DNAH11: variants seen among roughly 807,000 people sequenced by gnomAD.
DNAH11 encodes dynein axonemal heavy chain 11, also known as axonemal beta dynein heavy chain 11.
DNAH11 carries 442 observed loss-of-function variants against 526.0 expected under a neutral mutation model. The ratio of observed to expected loss-of-function variants is 0.84; its 90% confidence interval spans 0.78 to 0.91. The LOEUF (loss-of-function observed/expected upper bound fraction) is 0.91. Among genes scored for constraint, DNAH11 ranks in the 40% least tolerant of loss-of-function variants. DNAH11 has a pLI of 0.00. For missense variants in DNAH11, 6,989 were observed against 5,448.7 expected (o/e 1.28, Z -8.90); for synonymous variants, 2,461 against 1,935.9 (o/e 1.27, Z -7.12).
chr7:21,599,894 C>G lies in DNAH11; in HGVS notation c.2775C>G (p.His925Gln). ...AAGGCTTTTTTCAGGCTATAATGCACGACTTAGACTTCTTTCTGAAGAATA... is the reference window on the plus strand; with the variant it reads ...AAGGCTTTTTTCAGGCTATAATGCAGGACTTAGACTTCTTTCTGAAGAATA... Reference protein sequence around the residue: ...VVEGFFQAIMHDLDFFLKNTE... With the variant: ...VVEGFFQAIMQDLDFFLKNTE... The change falls in exon 15 of 82, where the codon CAC (histidine) becomes CAG (glutamine). Residue 925 changes from histidine (H) to glutamine (Q), a missense_variant. His to Gln is a conservative substitution (Grantham distance 24). Transcript: ENST00000409508. 1 of 1,612,744 alleles carries G rather than the reference C, an allele frequency of 6.2e-7. No homozygotes were observed. Among genetic ancestry groups the G allele is most frequent in the Admixed American group, 1.7e-5 (1 of 59,894 alleles).
At chr7:21,787,225 C>T (rs1788230743) in intron 59 of DNAH11, among the ~76,000 whole-genome samples, 176 bp from the exon 60 acceptor site, 2 of 152,266 alleles carry the variant, frequency 1.3e-5, no homozygotes, top group South Asian at 4.2e-4. Flanking sequence ...TAAAAGTGTC[C>T]ATTGCTAATT....
At chr7:21,852,294 C>T (rs1156410113) in intron 66 of DNAH11, among the ~76,000 whole-genome samples, 173 bp from the exon 67 acceptor site, 1 of 151,510 alleles carries the variant, frequency 6.6e-6, no homozygotes, top group Non-Finnish European at 1.5e-5. Flanking sequence ...GTAATCTCAG[C>T]TACTCGGGAG....
At chr7:21,612,699 A>G (rs914478110) in intron 20 of DNAH11, among the ~76,000 whole-genome samples, 2 of 152,160 alleles carry the variant, frequency 1.3e-5, no homozygotes, top group African/African-American at 2.4e-5. Flanking sequence ...TTTGTGAAGC[A>G]TGTCTGATTT....
intron 48 of DNAH11, 23 bp from the exon 49 acceptor site, chr7:21,741,904 C>G: frequency 6.2e-7 from 1 of 1,612,278 alleles, no homozygotes; most frequent in Non-Finnish European, 8.5e-7. Context: ...TCCTTACACT[C>G]TTATATTTGC....
At chr7:21,717,548 T>C (rs888232770) in intron 42 of DNAH11, among the ~76,000 whole-genome samples, 1 of 152,210 alleles carries the variant, frequency 6.6e-6, no homozygotes, top group Non-Finnish European at 1.5e-5. Flanking sequence ...TTCTGAGTGC[T>C]ATTAGGAGTT....
chr7:21,884,680 T>A (rs933493914), intron 76 of DNAH11, among the ~76,000 whole-genome samples: 5 of 152,190 alleles, frequency 3.3e-5, no homozygotes, highest in African/African-American at 4.8e-5. Flanking sequence ...ACTCATCGGC[T>A]CTTTATAAAA....
chr7:21,546,272 C>T (rs781371594), intron 2 of DNAH11, among the ~76,000 whole-genome samples: 1 of 152,212 alleles, frequency 6.6e-6, no homozygotes, highest in Non-Finnish European at 1.5e-5. Flanking sequence ...CCCCTAACTC[C>T]TGTACCCTGC....
At chr7:21,584,021 G>T (rs766200258) in intron 9 of DNAH11, among the ~76,000 whole-genome samples, 172 of 152,274 alleles carry the variant, frequency 1.1e-3, no homozygotes, top group African/African-American at 3.8e-3. Flanking sequence ...ACAGTGCGGC[G>T]ATTCCTCAAG....
chr7:21,605,621 G>T (rs542196617), intron 18 of DNAH11, among the ~76,000 whole-genome samples: 1 of 152,268 alleles, frequency 6.6e-6, no homozygotes, highest in South Asian at 2.1e-4. Flanking sequence ...CAACAAGAAG[G>T]AGAATGTACA....
At chr7:21,622,833 A>C (rs2128455351) in intron 25 of DNAH11, among the ~76,000 whole-genome samples, 2 of 152,336 alleles carry the variant, frequency 1.3e-5, no homozygotes, top group Admixed American at 1.3e-4. Context: ...TGGATTAAAG[A>C]CTTAAACGTT....
At chr7:21,656,066 C>T (rs566324518) in intron 29 of DNAH11, 85 bp downstream of exon 29, 33 of 1,413,498 alleles carry the variant, frequency 2.3e-5, no homozygotes, top group Non-Finnish European at 2.9e-5. Flanking sequence ...GCAAAAAATT[C>T]AACCCAGGTC....
intron 4 of DNAH11, among the ~76,000 whole-genome samples, 194 bp downstream of exon 4, chr7:21,559,986 A>G (rs904423663): frequency 6.6e-6 from 1 of 152,144 alleles, no homozygotes; most frequent in Non-Finnish European, 1.5e-5. Context: ...TTCTGAGAAT[A>G]TTTTGACAGC....
intron 34 of DNAH11, 110 bp downstream of exon 34, chr7:21,687,637 A>G (rs1783438271): frequency 9.8e-6 from 13 of 1,326,130 alleles, no homozygotes; most frequent in Non-Finnish European, 1.2e-5. Context: ...TGAAATAGAT[A>G]AAGGAAGATT....
intron 25 of DNAH11, among the ~76,000 whole-genome samples, chr7:21,635,451 C>T (rs190374302): frequency 3.4e-4 from 51 of 152,208 alleles, no homozygotes; most frequent in Middle Eastern, 6.8e-3. Context: ...CCACCGTGCC[C>T]GGCCTATTTT....
At chr7:21,600,574 C>T in intron 15 of DNAH11, 102 bp from the exon 16 acceptor site, 2 of 1,248,034 alleles carry the variant, frequency 1.6e-6, no homozygotes, top group Non-Finnish European at 2.1e-6. Flanking sequence ...ATTTTTCTAA[C>T]TACTCTCCCT....
At chr7:21,704,285 C>T (rs984733523) in intron 37 of DNAH11, 149 bp from the exon 38 acceptor site, 1 of 728,292 alleles carries the variant, frequency 1.4e-6, no homozygotes, top group Non-Finnish European at 2.2e-6. Flanking sequence ...AACATTTAAC[C>T]TCCCTATTGA....
chr7:21,599,982 A>G lies in DNAH11; in HGVS notation c.2863A>G (p.Ile955Val). The stretch of plus-strand genomic sequence containing the variant: ...ACAAATGATCTTGTTGCCTCCTGAG[A>G]TTGTGTTTAAACCTTCCCTAGACAG... ...QAQMILLPPE[I>V]VFKPSLDREA... The change falls in exon 15 of 82, where the codon ATT becomes GTT. Residue 955 changes from isoleucine (I) to valine (V), a missense_variant. Physicochemically the swap from Ile to Val is conservative, Grantham distance 29. Coordinates refer to ENST00000409508, the MANE Select transcript of DNAH11 (RefSeq NM_001277115.2). 1 of 1,613,590 alleles carries G rather than the reference A, an allele frequency of 6.2e-7. No homozygotes were observed. The highest frequency in any genetic ancestry group is 1.1e-5 in the South Asian group (1 of 91,060).
chr7:21,901,663 A>G lies in DNAH11; in HGVS notation c.*409A>G, dbSNP rs1383460068. Reference sequence around the variant, plus strand: ...CGGAGATTTTAATTTTTAACAAACAACAAATTAAATTATTAGCCCTTAAAC... The same window carrying G: ...CGGAGATTTTAATTTTTAACAAACAGCAAATTAAATTATTAGCCCTTAAAC... On this transcript the variant is annotated 3_prime_UTR_variant, in exon 82 of 82. Transcript: ENST00000409508. 6.3e-6 allele frequency: 1 copy of G among 157,504 alleles called. No homozygotes were observed. Among genetic ancestry groups the G allele is most frequent in the Non-Finnish European group, 1.4e-5 (1 of 71,450 alleles). The allele number at this position is 157,504 out of a possible 1,614,324, so 9.8% of individuals were successfully genotyped here.
chr7:21,696,925 A>G (rs1362145334), intron 35 of DNAH11, among the ~76,000 whole-genome samples: 1 of 152,218 alleles, frequency 6.6e-6, no homozygotes, highest in Non-Finnish European at 1.5e-5. Context: ...GATATAAAAT[A>G]CATAGATATG....
Sources: gnomAD v4.1 joint callset for allele counts (sites outside exome capture counted in the v4.1 genomes callset) on GRCh38, gnomAD v4.1.1 for gene constraint, MANE v1.5 for transcripts, NCBI Gene and HGNC (gene_info 2026-07-23, HGNC 2026-07-21) for gene names.